MAML2: variants seen among roughly 807,000 people sequenced by gnomAD.
MAML2 encodes the protein mastermind like transcriptional coactivator 2.
MAML2 carries 22 observed loss-of-function variants against 96.1 expected under a neutral mutation model. That is an observed-to-expected ratio of 0.23 (90% CI 0.16 to 0.33). The LOEUF is 0.33. Among genes scored for constraint, MAML2 ranks in the 10% least tolerant of loss-of-function variants. The probability of loss-of-function intolerance (pLI) is 1.00; values close to 1 mark genes in which losing one functional copy is unlikely to be tolerated. For missense variants in MAML2, 1,367 were observed against 1,392.4 expected (o/e 0.98, Z 0.29); for synonymous variants, 561 against 521.3 (o/e 1.08, Z -1.04).
chr11:96,241,681 A>T (rs1345413951), intron 1 of MAML2, among the ~76,000 whole-genome samples: 1 of 152,200 alleles, frequency 6.6e-6, no homozygotes, highest in Non-Finnish European at 1.5e-5. Context: ...TGTCCCTGGG[A>T]CAGTGTTGAT....
chr11:96,273,327 T>C (rs1349597415), intron 1 of MAML2, among the ~76,000 whole-genome samples: 1 of 151,586 alleles, frequency 6.6e-6, no homozygotes, highest in Non-Finnish European at 1.5e-5. Context: ...TTGAAACGTA[T>C]TTTTTTTTAA....
chr11:96,030,718 C>T (rs999966079), intron 2 of MAML2, among the ~76,000 whole-genome samples: 3 of 152,124 alleles, frequency 2.0e-5, no homozygotes, highest in African/African-American at 7.2e-5. Flanking sequence ...AGGCAGTGAC[C>T]ATTGACCTGA....
intron 1 of MAML2, among the ~76,000 whole-genome samples, chr11:96,171,534 T>C (rs1201574085): frequency 1.3e-5 from 2 of 152,236 alleles, no homozygotes; most frequent in African/African-American, 4.8e-5. Flanking sequence ...ATTTTTAATA[T>C]ATTAGTGAAA....
chr11:96,143,068 T>C (rs1010876356), intron 1 of MAML2, among the ~76,000 whole-genome samples: 1 of 152,248 alleles, frequency 6.6e-6, no homozygotes, highest in African/African-American at 2.4e-5. Context: ...TTTATTGGAA[T>C]ACAAAGGATC....
intron 1 of MAML2, among the ~76,000 whole-genome samples, chr11:96,336,146 A>G (rs1387682374): frequency 2.0e-5 from 3 of 147,840 alleles, no homozygotes; most frequent in Non-Finnish European, 4.4e-5. Context: ...GCTAGTAAGT[A>G]TAACATAGGG....
intron 1 of MAML2, among the ~76,000 whole-genome samples, chr11:96,169,659 C>CCTTTTTTTT (rs1861250650): frequency 6.9e-6 from 1 of 144,896 alleles, no homozygotes; most frequent in Non-Finnish European, 1.5e-5. Flanking sequence ...AGAAAGTAAA[C>CCTTTTTTTT]TTTTTTTTTT....
At chr11:96,095,156 T>C (rs1859803644) in intron 1 of MAML2, among the ~76,000 whole-genome samples, 1 of 152,158 alleles carries the variant, frequency 6.6e-6, no homozygotes, top group Non-Finnish European at 1.5e-5. Context: ...CACTCTAACA[T>C]GCTCTAATTA....
intron 1 of MAML2, among the ~76,000 whole-genome samples, chr11:96,175,008 C>T (rs945483296): frequency 7.2e-5 from 11 of 152,212 alleles, no homozygotes; most frequent in African/African-American, 2.7e-4. Flanking sequence ...TGGTGCGAAG[C>T]AGCTCCTTCT....
At chr11:96,163,510 C>T (rs1445479343) in intron 1 of MAML2, among the ~76,000 whole-genome samples, 1 of 152,144 alleles carries the variant, frequency 6.6e-6, no homozygotes, top group Non-Finnish European at 1.5e-5. Flanking sequence ...AATGAGAAAA[C>T]TGAAGCTGAG....
intron 2 of MAML2, among the ~76,000 whole-genome samples, chr11:96,086,489 A>T (rs1859616621): frequency 6.6e-6 from 1 of 152,126 alleles, no homozygotes; most frequent in Non-Finnish European, 1.5e-5. Context: ...TTAATCTGGG[A>T]ACAGAGGTAC....
chr11:95,992,144 C>G (rs924674347), intron 2 of MAML2, among the ~76,000 whole-genome samples: 1 of 152,202 alleles, frequency 6.6e-6, no homozygotes, highest in Non-Finnish European at 1.5e-5. Context: ...TTTTAATTCA[C>G]GTGTTTAAAA....
rs921595257 is a variant in MAML2, at chr11:96,063,602, T to C, written c.2139+28290A>G. Among the ~76,000 whole-genome samples, 5 of 152,328 alleles carry C rather than the reference T, an allele frequency of 3.3e-5. No homozygotes were observed. The East Asian group carries it at 9.6e-4, about 29-fold the overall frequency. On this transcript the variant is annotated intron_variant, in intron 2 of 4. Transcript: ENST00000524717. ...TATTACCCATAATATGTAATATTACTCCTATTTATAGAAAAGAGGCAATCA... is the reference window on the plus strand; with the variant it reads ...TATTACCCATAATATGTAATATTACCCCTATTTATAGAAAAGAGGCAATCA...
At chr11:96,029,915 T>A (rs1310393178) in intron 2 of MAML2, among the ~76,000 whole-genome samples, 1 of 152,200 alleles carries the variant, frequency 6.6e-6, no homozygotes, top group Admixed American at 6.5e-5. Context: ...AGTGTTCAGC[T>A]AATTTTTTTA....
At chr11:96,288,658 A>G (rs1863171843) in intron 1 of MAML2, among the ~76,000 whole-genome samples, 1 of 152,208 alleles carries the variant, frequency 6.6e-6, no homozygotes, top group Admixed American at 6.6e-5. Flanking sequence ...TTCACGTAAT[A>G]TTAATTCTGA....
In MAML2 at chr11:96,341,909, A is replaced by G. The variant is rs750835341; in HGVS notation, c.-14T>C. 6.7e-6 allele frequency: 10 copies of G among 1,501,984 alleles called. No homozygotes were observed. The Admixed American group carries it at 1.1e-4, about 17-fold the overall frequency. 93.0% of individuals were successfully genotyped at this position (1,501,984 alleles called of 1,614,324 possible). On this transcript the variant is annotated 5_prime_UTR_variant, in exon 1 of 5. Coordinates refer to ENST00000524717, the MANE Select transcript of MAML2 (RefSeq NM_032427.4). ...TGTGTCCCCCATCTTACCGGACACA[A>G]TGATTGCTGCCTCTGGGATGGTGAG...
chr11:96,239,067 G>T lies in MAML2; in HGVS notation c.513+102316C>A, dbSNP rs553148705. On this transcript the variant is annotated intron_variant, in intron 1 of 4. Coordinates refer to ENST00000524717, the MANE Select transcript of MAML2 (RefSeq NM_032427.4). Reference sequence around the variant, plus strand: ...TGAAACAACTACAGCTGCAACCAAAGATGGGAATCACACTAACATTTTAAA... The same window carrying T: ...TGAAACAACTACAGCTGCAACCAAATATGGGAATCACACTAACATTTTAAA... 2.6e-3 allele frequency among the ~76,000 whole-genome samples: 393 copies of T among 152,346 alleles called. 1 individual carries two copies. Among genetic ancestry groups the T allele is most frequent in the Non-Finnish European group, 4.2e-3 (288 of 68,030 alleles).
chr11:96,105,425 G>T (rs1322412093), intron 1 of MAML2, among the ~76,000 whole-genome samples: 1 of 152,214 alleles, frequency 6.6e-6, no homozygotes, highest in African/African-American at 2.4e-5. Flanking sequence ...ACTGCAATGT[G>T]TTAACTGGTT....
chr11:96,184,190 C>A (rs1253617457), intron 1 of MAML2, among the ~76,000 whole-genome samples: 1 of 152,194 alleles, frequency 6.6e-6, no homozygotes, highest in Non-Finnish European at 1.5e-5. Context: ...CGCCTGTAAT[C>A]CCAGCACTTT....
At chr11:96,154,386 A>G (rs1019719986) in intron 1 of MAML2, among the ~76,000 whole-genome samples, 35 of 152,212 alleles carry the variant, frequency 2.3e-4, no homozygotes, top group Admixed American at 1.7e-3. Context: ...TCCAAATAAT[A>G]GCTGCTCCTA....
Sources: gnomAD v4.1 joint callset for allele counts (sites outside exome capture counted in the v4.1 genomes callset) on GRCh38, gnomAD v4.1.1 for gene constraint, MANE v1.5 for transcripts, NCBI Gene and HGNC (gene_info 2026-07-23, HGNC 2026-07-21) for gene names.